Variants in TTLL12 observed in about 807,000 individuals in gnomAD.
TTLL12 encodes tubulin tyrosine ligase like 12, also known as tubulin--tyrosine ligase-like protein 12.
In TTLL12, 77 loss-of-function variants were observed where a neutral mutation model predicts 79.6. That is an observed-to-expected ratio of 0.97 (90% CI 0.81 to 1.17). The LOEUF is 1.17. TTLL12 is among the 50% of genes most tolerant of loss of function. TTLL12 has a pLI of 0.00. For synonymous variants in TTLL12, 437 were observed against 376.1 expected (o/e 1.16, Z -1.87); for missense variants, 969 against 895.9 (o/e 1.08, Z -1.04).
chr22:43,176,310 G>GA lies in TTLL12; in HGVS notation c.917+9_917+10insT. The GA allele has an allele frequency of 1.9e-6, 3 of 1,579,172 alleles. No homozygotes were observed. The highest frequency in any genetic ancestry group is 2.3e-5 in the South Asian group (2 of 86,718). ...AGTCCCAGCCCAAGCAGTGGGGGGG[G>GA]GCTACGCACTTGAAGATGTGGCCGT... On this transcript the variant is annotated intron_variant, in intron 6 of 13. Coordinates refer to ENST00000216129, the MANE Select transcript of TTLL12 (RefSeq NM_015140.4).
At chr22:43,170,514 A>G (rs1041047807) in intron 11 of TTLL12, among the ~76,000 whole-genome samples, 32 of 152,184 alleles carry the variant, frequency 2.1e-4, no homozygotes, top group Admixed American at 8.5e-4. Context: ...AATCGCCGCC[A>G]CAGTTAGCAA....
chr22:43,183,812 T>C (rs1313221521), intron 1 of TTLL12, among the ~76,000 whole-genome samples: 1 of 152,238 alleles, frequency 6.6e-6, no homozygotes, highest in African/African-American at 2.4e-5. Flanking sequence ...ACTCACGCCC[T>C]GTCTGCCACA....
intron 11 of TTLL12, 146 bp downstream of exon 11, chr22:43,171,673 C>T: frequency 1.6e-6 from 1 of 631,022 alleles, no homozygotes; most frequent in South Asian, 1.9e-5. Context: ...GCAGCGCTAA[C>T]AATCGCCTTC....
chr22:43,177,620 A>G (rs1358458471), intron 5 of TTLL12, among the ~76,000 whole-genome samples: 1 of 152,168 alleles, frequency 6.6e-6, no homozygotes, highest in Non-Finnish European at 1.5e-5. Flanking sequence ...AGGACACCTG[A>G]GCACTCTTAT....
chr22:43,181,698 C>T (rs1385878020), intron 2 of TTLL12, among the ~76,000 whole-genome samples: 1 of 152,238 alleles, frequency 6.6e-6, no homozygotes, highest in African/African-American at 2.4e-5. Flanking sequence ...CCCCAGCTTG[C>T]CCCCGTCTCT....
intron 1 of TTLL12, 88 bp from the exon 2 acceptor site, chr22:43,183,237 C>T: frequency 6.6e-7 from 1 of 1,522,598 alleles, no homozygotes; most frequent in South Asian, 1.2e-5. Flanking sequence ...CCCGAGGTGC[C>T]ACACCCAGGC....
chr22:43,186,200 C>CCCG (rs71186569), intron 1 of TTLL12, among the ~76,000 whole-genome samples: 1 of 144,082 alleles, frequency 6.9e-6, no homozygotes, highest in Non-Finnish European at 1.6e-5. Context: ...CCCCCCCCCC[C>CCCG]GCCAGCCCGG....
At chr22:43,176,440 G>C in intron 5 of TTLL12, 44 bp from the exon 6 acceptor site, 6 of 1,534,618 alleles carry the variant, frequency 3.9e-6, no homozygotes, top group Non-Finnish European at 5.4e-6. Context: ...TCAAGGAAGG[G>C]AGGGAAAGGC....
chr22:43,183,227 C>T (rs1223973582), intron 1 of TTLL12, 78 bp from the exon 2 acceptor site: 7 of 1,559,162 alleles, frequency 4.5e-6, no homozygotes, highest in Non-Finnish European at 5.2e-6. Context: ...CAGAAAGCCA[C>T]CCGAGGTGCC....
chr22:43,170,845 T>C (rs768273779), intron 11 of TTLL12, among the ~76,000 whole-genome samples: 47 of 152,218 alleles, frequency 3.1e-4, no homozygotes, highest in Non-Finnish European at 5.0e-4. Context: ...GCCCAGGAGA[T>C]TGAGGTTGCA....
intron 1 of TTLL12, among the ~76,000 whole-genome samples, chr22:43,185,035 C>T (rs1932144546): frequency 6.6e-6 from 1 of 151,932 alleles, no homozygotes; most frequent in Non-Finnish European, 1.5e-5. Flanking sequence ...CGAGATCAGC[C>T]TGACCAACAT....
intron 10 of TTLL12, 110 bp downstream of exon 10, chr22:43,172,293 G>A: frequency 5.2e-6 from 7 of 1,350,996 alleles, no homozygotes; most frequent in South Asian, 1.3e-5. Context: ...AGTGATGGAG[G>A]GTGCCTTCCA....
chr22:43,174,079 G>A lies in TTLL12; in HGVS notation c.1229+130C>T, dbSNP rs529963299. On this transcript the variant is annotated intron_variant, in intron 8 of 13. Transcript: ENST00000216129. ...TGCGGTCCGTGAAGACGGCCGTGAC[G>A]TTCGGGGCCCACAGCTCGGCTCCTG... The A allele has an allele frequency of 4.7e-5, 61 of 1,289,444 alleles. No individual in the cohort carries two copies. The East Asian group carries it at 1.3e-3, about 28-fold the overall frequency. 79.9% of individuals were successfully genotyped at this position (1,289,444 alleles called of 1,614,324 possible).
At chr22:43,176,280 G>A (rs372422815) in intron 6 of TTLL12, 40 bp downstream of exon 6, 102 of 1,464,636 alleles carry the variant, frequency 7.0e-5, no homozygotes, top group South Asian at 1.6e-4. Flanking sequence ...CGGGGACTGC[G>A]GACAAGTCCC....
chr22:43,170,878 C>T (rs1262348652), intron 11 of TTLL12, among the ~76,000 whole-genome samples: 1 of 152,218 alleles, frequency 6.6e-6, no homozygotes, highest in Admixed American at 6.5e-5. Context: ...CATGCCTCCG[C>T]ACTCCAGCCT....
At position 43,167,310 on chromosome 22, in the gene TTLL12, G is replaced by A. The variant is rs181817766; in HGVS notation, c.*698C>T. On this transcript the variant is annotated 3_prime_UTR_variant, in exon 14 of 14. Transcript: ENST00000216129. ...AGACAGATACTGATTTCCCTGTTGG[G>A]GTCTGTGACCCTCAGCAAACGAAAA... 4 of 428,278 alleles carry A rather than the reference G, an allele frequency of 9.3e-6. No homozygotes were observed. In the East Asian group the frequency reaches 2.7e-4, roughly 29 times the overall value. 26.5% of individuals were successfully genotyped at this position (428,278 alleles called of 1,614,324 possible). A position where few individuals can be genotyped will look rare whatever the true frequency, so the allele number is the denominator to read the frequency against.
At chr22:43,181,131 T>A (rs1399621311) in intron 2 of TTLL12, among the ~76,000 whole-genome samples, 191 bp from the exon 3 acceptor site, 2 of 152,120 alleles carry the variant, frequency 1.3e-5, no homozygotes, top group Non-Finnish European at 2.9e-5. Flanking sequence ...TGCTGCTCAC[T>A]CCCTGTGTGA....
At chr22:43,185,310 T>TATATATA (rs1932157490) in intron 1 of TTLL12, among the ~76,000 whole-genome samples, 1 of 137,868 alleles carries the variant, frequency 7.3e-6, no homozygotes, top group Non-Finnish European at 1.6e-5. Context: ...TGTATGTATC[T>TATATATA]TCAAGTTTCC....
At chr22:43,169,622 A>G (rs1317803951) in intron 11 of TTLL12, 54 bp from the exon 12 acceptor site, 2 of 1,584,626 alleles carry the variant, frequency 1.3e-6, no homozygotes, top group Non-Finnish European at 1.7e-6. Context: ...CTGGGCCGGG[A>G]GCAGGCAGCC....
Sources: gnomAD v4.1 joint callset for allele counts (sites outside exome capture counted in the v4.1 genomes callset) on GRCh38, gnomAD v4.1.1 for gene constraint, MANE v1.5 for transcripts, NCBI Gene and HGNC (gene_info 2026-07-23, HGNC 2026-07-21) for gene names.